Variants in CYP4Z1 observed in about 807,000 individuals in gnomAD.
CYP4Z1 encodes the protein cytochrome P450 family 4 subfamily Z member 1, also known as cytochrome P450 4Z1.
In CYP4Z1, 41 loss-of-function variants were observed where a neutral mutation model predicts 54.2. That is an observed-to-expected ratio of 0.76 (90% CI 0.59 to 0.98). CYP4Z1 has a LOEUF of 0.98. CYP4Z1 is among the 50% of genes least tolerant of loss of function. CYP4Z1 has a pLI of 0.00. For missense variants in CYP4Z1, 513 were observed against 599.0 expected, an observed-to-expected ratio of 0.86 and a Z score of 1.50; for synonymous variants, 163 against 206.2, an observed-to-expected ratio of 0.79 and a Z score of 1.79.
chr1:47,114,168 C>CA (rs1239900067), intron 9 of CYP4Z1, among the ~76,000 whole-genome samples: 1 of 152,160 alleles, frequency 6.6e-6, no homozygotes, highest in East Asian at 1.9e-4. Context: ...TGATCTTTGA[C>CA]AACCTGACAA....
At chr1:47,101,318 A>G (rs948943948) in intron 8 of CYP4Z1, among the ~76,000 whole-genome samples, 21 of 131,348 alleles carry the variant, frequency 1.6e-4, no homozygotes, top group African/African-American at 4.3e-4. Flanking sequence ...CTGTTTTTCT[A>G]CTTCCTAGAG....
At chr1:47,100,434 C>T (rs1040209156) in intron 8 of CYP4Z1, among the ~76,000 whole-genome samples, 4 of 152,188 alleles carry the variant, frequency 2.6e-5, no homozygotes, top group African/African-American at 9.7e-5. Flanking sequence ...TGATGCCATT[C>T]TGAGTAGCAT....
chr1:47,085,666 G>A lies in CYP4Z1; in HGVS notation c.772+688G>A, dbSNP rs149660884. Among the ~76,000 whole-genome samples the A allele has an allele frequency of 7.4e-3, 1,116 of 150,264 alleles. 10 individuals carry two copies. Among genetic ancestry groups the A allele is most frequent in the African/African-American group, 0.025 (1,035 of 40,956 alleles). ...TCCATTTCTGTGCCCTTATATTTGC[G>A]GTTTATGTCTTTTTTTCTTTTTCTT... On this transcript the variant is annotated intron_variant, in intron 6 of 11. Coordinates refer to ENST00000334194, the MANE Select transcript of CYP4Z1 (RefSeq NM_178134.3).
chr1:47,064,056 T>C (rs1446230076), upstream of CYP4Z1, among the ~76,000 whole-genome samples: 1 of 147,842 alleles, frequency 6.8e-6, no homozygotes, highest in Non-Finnish European at 1.5e-5. Context: ...GCAGAAACCC[T>C]ACAAGTTAGA....
chr1:47,086,467 T>G (rs931395545), intron 6 of CYP4Z1, among the ~76,000 whole-genome samples: 3 of 152,248 alleles, frequency 2.0e-5, no homozygotes, highest in Non-Finnish European at 4.4e-5. Context: ...TTTTTTCATG[T>G]GTCTGTTGGC....
chr1:47,067,398 C>A lies in CYP4Z1; in HGVS notation c.-93C>A. 8.7e-7 allele frequency: 1 copy of A among 1,146,586 alleles called. No individual in the cohort carries two copies. The highest frequency in any genetic ancestry group is 1.2e-6 in the Non-Finnish European group (1 of 861,128). 71.0% of individuals were successfully genotyped at this position (1,146,586 alleles called of 1,614,324 possible). ...ATGGCATTTTGAAAGCCCAGTGTTG[C>A]CCAGGGGGCATCTCCTTTGTGTTTA... is the stretch of plus-strand genomic sequence containing the variant. On this transcript the variant is annotated 5_prime_UTR_variant, in exon 1 of 12. Coordinates refer to ENST00000334194, the MANE Select transcript of CYP4Z1 (RefSeq NM_178134.3).
At chr1:47,096,575 G>A (rs1332589647) in intron 7 of CYP4Z1, 3 of 151,136 alleles carry the variant, frequency 2.0e-5, no homozygotes, top group Non-Finnish European at 4.4e-5. Flanking sequence ...ATAGTGGTTT[G>A]CTGCACAGAT....
the CYP4Z1 span, among the ~76,000 whole-genome samples, chr1:47,057,508 T>TC: frequency 1.4e-5 from 2 of 147,686 alleles, no homozygotes; most frequent in South Asian, 4.2e-4. Context: ...TTTTTCATTT[T>TC]TTTTTTTTAG....
intron 6 of CYP4Z1, among the ~76,000 whole-genome samples, chr1:47,090,731 A>G: frequency 6.6e-6 from 1 of 151,336 alleles, no homozygotes; most frequent in Non-Finnish European, 1.5e-5. Context: ...CATTCCTCTG[A>G]GCTGTCAGGG....
the CYP4Z1 span, among the ~76,000 whole-genome samples, chr1:47,057,335 A>AAAAAAATATATATAT: frequency 2.5e-4 from 7 of 28,482 alleles, no homozygotes; most frequent in African/African-American, 4.6e-4. Flanking sequence ...AAGAAAAAAA[A>AAAAAAATATATATAT]ATATATATAT....
At chr1:47,094,780 G>C (rs1187396273) in intron 7 of CYP4Z1, 111 bp downstream of exon 7, 11 of 623,568 alleles carry the variant, frequency 1.8e-5, no homozygotes, top group Non-Finnish European at 3.1e-5. Context: ...GGCCAAGGCG[G>C]GCAGATCACT....
At chr1:47,057,338 ATATAT>A in the CYP4Z1 span, among the ~76,000 whole-genome samples, 290 of 72,610 alleles carry the variant, frequency 4.0e-3, 25 homozygotes, top group East Asian at 9.6e-3. Context: ...AAAAAAAAAT[ATATAT>A]ATATATATAT....
intron 8 of CYP4Z1, among the ~76,000 whole-genome samples, chr1:47,101,776 G>A (rs898300284): frequency 6.6e-6 from 1 of 151,980 alleles, no homozygotes; most frequent in Non-Finnish European, 1.5e-5. Context: ...AGTCCAACGT[G>A]CAATTTAAAT....
At chr1:47,100,664 A>C (rs975487312) in intron 8 of CYP4Z1, among the ~76,000 whole-genome samples, 1 of 152,218 alleles carries the variant, frequency 6.6e-6, no homozygotes, top group Non-Finnish European at 1.5e-5. Context: ...GTAGTGTTAT[A>C]AACTGTTCTA....
Position 47,118,112 on chromosome 1 carries a change from G to A in CYP4Z1, c.*178G>A, listed in dbSNP as rs1644844328. On this transcript the variant is annotated 3_prime_UTR_variant, in exon 12 of 12. Transcript: ENST00000334194. ...AATTTTAATTTCTTTGCTGTATCTG[G>A]TGAAACCCACAAAAACACCTGAAAA... 5 of 652,652 alleles carry A rather than the reference G, an allele frequency of 7.7e-6. No homozygotes were observed. Among genetic ancestry groups the A allele is most frequent in the African/African-American group, 5.5e-5 (3 of 54,622 alleles). 40.4% of individuals were successfully genotyped at this position (652,652 alleles called of 1,614,324 possible).
intron 9 of CYP4Z1, among the ~76,000 whole-genome samples, chr1:47,114,046 T>C (rs1361275495): frequency 8.6e-5 from 13 of 151,920 alleles, no homozygotes; most frequent in Admixed American, 2.0e-4. Context: ...CTTCAAACTA[T>C]ACTACAAGGC....
upstream of CYP4Z1, among the ~76,000 whole-genome samples, chr1:47,065,440 C>T (rs1348400182): frequency 3.3e-5 from 5 of 151,876 alleles, no homozygotes; most frequent in Non-Finnish European, 7.4e-5. Context: ...ATTTTGGGGT[C>T]AACAATGAAA....
At chr1:47,082,310 C>T (rs769863706) in intron 3 of CYP4Z1, 24 bp from the exon 4 acceptor site, 2 of 1,581,208 alleles carry the variant, frequency 1.3e-6, no homozygotes, top group African/African-American at 2.7e-5. Context: ...CTGATAGAAA[C>T]AGTTGCCCCT....
upstream of CYP4Z1, among the ~76,000 whole-genome samples, chr1:47,066,372 A>G (rs1337336590): frequency 1.3e-5 from 2 of 152,228 alleles, no homozygotes; most frequent in Non-Finnish European, 2.9e-5. Flanking sequence ...AACATACCCA[A>G]GTCAATAAAT....
Sources: allele counts gnomAD v4.1 joint callset (sites outside exome capture counted in the v4.1 genomes callset), GRCh38; gene constraint gnomAD v4.1.1; transcripts MANE v1.5; gene names NCBI Gene and HGNC (gene_info 2026-07-23, HGNC 2026-07-21).